Variants in SKP2 observed in about 807,000 individuals in gnomAD.
The protein encoded by SKP2 is S-phase kinase associated protein 2.
In SKP2, 16 loss-of-function variants were observed where a neutral mutation model predicts 51.8. The ratio of observed to expected loss-of-function variants is 0.31; its 90% CI spans 0.21 to 0.47. The LOEUF (loss-of-function observed/expected upper bound fraction) is 0.47, where lower values mean the gene tolerates loss of function less well. Ranked by LOEUF, SKP2 falls within the 20% of genes least tolerant of loss-of-function variation. The pLI is 1.00. For synonymous variants in SKP2, 176 were observed against 198.6 expected, an observed-to-expected ratio of 0.89 and a Z score of 0.96; for missense variants, 377 against 505.3, an observed-to-expected ratio of 0.75 and a Z score of 2.43.
intron 2 of SKP2, among the ~76,000 whole-genome samples, chr5:36,158,936 G>A (rs924562652): frequency 3.9e-5 from 6 of 152,182 alleles, no homozygotes; most frequent in African/African-American, 1.4e-4. Context: ...CAACAGTGCT[G>A]TGCACATAGT....
At position 36,166,573 on chromosome 5, in the gene SKP2, G is replaced by A. The variant is rs192207146; in HGVS notation, c.447G>A (p.Pro149=). The change falls in exon 4 of 10, where the codon CCG becomes CCA. Residue 149 remains proline (P), a synonymous_variant. Transcript: ENST00000274255. The part of the protein sequence containing the change: ...TLDLTGKNLH[P]DVTGRLLSQG... ...ACCTCACAGGTAAAAATCTGCACCC[G>A]GATGTGACTGGTCGGTTGCTGTCTC... 2.8e-5 allele frequency: 45 copies of A among 1,613,794 alleles called. No individual in the cohort carries two copies. The highest frequency in any genetic ancestry group is 5.0e-5 in the Admixed American group (3 of 60,004).
chr5:36,187,240 T>A (rs185791856), downstream of SKP2, among the ~76,000 whole-genome samples: 405 of 152,324 alleles, frequency 2.7e-3, 1 homozygote, highest in Middle Eastern at 3.4e-3. Context: ...TCTCCTTCAA[T>A]TCTGCTCTGA....
Position 36,182,871 on chromosome 5 carries a change from T to C in SKP2, c.*840T>C. 1.0e-6 allele frequency: 1 copy of C among 985,020 alleles called. No individual in the cohort carries two copies. Among genetic ancestry groups the C allele is most frequent in the South Asian group, 4.7e-5 (1 of 21,282 alleles). 61.0% of individuals were successfully genotyped at this position (985,020 alleles called of 1,614,324 possible). ...TTGCTTTGTTTTAGAAAGGTGGTATTAATCCACTCTCTATTCTTGAAAATT... is the reference window on the plus strand; with the variant it reads ...TTGCTTTGTTTTAGAAAGGTGGTATCAATCCACTCTCTATTCTTGAAAATT... On this transcript the variant is annotated 3_prime_UTR_variant, in exon 10 of 10. Coordinates refer to ENST00000274255, the MANE Select transcript of SKP2 (RefSeq NM_005983.4).
intron 7 of SKP2, among the ~76,000 whole-genome samples, chr5:36,172,847 A>G (rs949083253): frequency 6.6e-6 from 1 of 151,954 alleles, no homozygotes; most frequent in Non-Finnish European, 1.5e-5. Context: ...CAAGGTGAAC[A>G]CTTTCTTTAG....
intron 6 of SKP2, 44 bp from the exon 7 acceptor site, chr5:36,171,559 G>C: frequency 6.3e-7 from 1 of 1,590,116 alleles, no homozygotes; most frequent in Non-Finnish European, 8.6e-7. Flanking sequence ...ACTCATTCCC[G>C]TGTGATGGTT....
chr5:36,178,974 C>T (rs562925940), intron 9 of SKP2, among the ~76,000 whole-genome samples: 14 of 152,128 alleles, frequency 9.2e-5, no homozygotes, highest in South Asian at 2.1e-4. Context: ...GTTACAAACA[C>T]GGGTCTGAAG....
At chr5:36,162,426 CT>C (rs1745151526) in intron 2 of SKP2, among the ~76,000 whole-genome samples, 1 of 152,252 alleles carries the variant, frequency 6.6e-6, no homozygotes, top group African/African-American at 2.4e-5. Context: ...CATGTTCAAA[CT>C]TAATAACATC....
intron 6 of SKP2, among the ~76,000 whole-genome samples, chr5:36,190,858 TAAA>T (rs35276495): frequency 6.6e-6 from 1 of 152,160 alleles, no homozygotes; most frequent in East Asian, 1.9e-4. Context: ...TATATACCTC[TAAA>T]AGTTAGGGAT....
rs945153417 is a variant in SKP2, at chr5:36,152,157, G to A, written c.-106G>A. On this transcript the variant is annotated 5_prime_UTR_variant, in exon 1 of 10. Transcript: ENST00000274255. The stretch of plus-strand genomic sequence containing the variant: ...GGCTTAGCGGGTCTGGCTGCTGGGG[G>A]CCCGAGCAGCACGCTCGGAGCCGCC... 11 of 1,175,046 alleles carry A rather than the reference G, an allele frequency of 9.4e-6. No individual in the cohort carries two copies. The highest frequency in any genetic ancestry group is 1.7e-5 in the Admixed American group (1 of 58,662). The allele number at this position is 1,175,046 out of a possible 1,614,324, so 72.8% of individuals were successfully genotyped here.
intron 9 of SKP2, among the ~76,000 whole-genome samples, chr5:36,181,230 TACCCAACTGTATA>T (rs1253208278): frequency 2.0e-5 from 3 of 152,186 alleles, no homozygotes; most frequent in African/African-American, 7.2e-5. Flanking sequence ...TCTCTACCTG[TACCCAACTGTATA>T]ACCCTATCTA....
At chr5:36,178,613 G>A (rs1745707227) in intron 9 of SKP2, among the ~76,000 whole-genome samples, 1 of 151,938 alleles carries the variant, frequency 6.6e-6, no homozygotes, top group Admixed American at 6.6e-5. Flanking sequence ...AGAACTCCTA[G>A]GAGCTTCTAG....
intron 2 of SKP2, among the ~76,000 whole-genome samples, chr5:36,162,276 GCCT>G (rs1745145974): frequency 6.6e-6 from 1 of 152,140 alleles, no homozygotes; most frequent in African/African-American, 2.4e-5. Context: ...CTCTACACTG[GCCT>G]CCTTGCTATG....
chr5:36,191,235 A>C (rs1037675768), intron 6 of SKP2, among the ~76,000 whole-genome samples: 1 of 152,098 alleles, frequency 6.6e-6, no homozygotes, highest in Non-Finnish European at 1.5e-5. Context: ...ATCTGAAGAC[A>C]TTTTTGATGG....
In SKP2 at chr5:36,163,501, A is replaced by G. The variant is rs1477507886; in HGVS notation, c.281-144A>G. The G allele has an allele frequency of 2.1e-5, 13 of 613,786 alleles. No individual in the cohort carries two copies. In the Admixed American group the frequency reaches 3.5e-4, roughly 17 times the overall value. 38.0% of individuals were successfully genotyped at this position (613,786 alleles called of 1,614,324 possible). On this transcript the variant is annotated intron_variant, in intron 2 of 9. Coordinates refer to ENST00000274255, the MANE Select transcript of SKP2 (RefSeq NM_005983.4). ...AACAGAAATGATTTTTCAAACAAAA[A>G]TAATTGTGAGGATGAGTAATTTAAT...
chr5:36,175,522 T>C (rs1346343135), intron 7 of SKP2, among the ~76,000 whole-genome samples: 1 of 152,098 alleles, frequency 6.6e-6, no homozygotes, highest in East Asian at 1.9e-4. Context: ...GCCAAGTAGC[T>C]TACATGACTT....
intron 2 of SKP2, among the ~76,000 whole-genome samples, chr5:36,162,551 G>A (rs774207625): frequency 9.2e-5 from 14 of 152,072 alleles, no homozygotes; most frequent in Admixed American, 7.2e-4. Flanking sequence ...TATCTGTTCC[G>A]CATTACTGGA....
intron 2 of SKP2, among the ~76,000 whole-genome samples, chr5:36,161,642 C>T (rs2111963759): frequency 6.6e-6 from 1 of 152,272 alleles, no homozygotes; most frequent in Non-Finnish European, 1.5e-5. Context: ...AGCCTAAATA[C>T]CTGGGGTGTA....
At chr5:36,154,389 G>A (rs1744872087) in intron 2 of SKP2, among the ~76,000 whole-genome samples, 1 of 152,166 alleles carries the variant, frequency 6.6e-6, no homozygotes, top group African/African-American at 2.4e-5. Flanking sequence ...AGAGTGGAAT[G>A]AGCGAAAGGG....
At chr5:36,159,090 G>A (rs1030487827) in intron 2 of SKP2, among the ~76,000 whole-genome samples, 6 of 152,220 alleles carry the variant, frequency 3.9e-5, no homozygotes, top group Admixed American at 3.9e-4. Context: ...TAATGGATGT[G>A]CAAATCTGGG....
Sources: allele counts gnomAD v4.1 joint callset (sites outside exome capture counted in the v4.1 genomes callset), GRCh38; gene constraint gnomAD v4.1.1; transcripts MANE v1.5; gene names NCBI Gene and HGNC (gene_info 2026-07-23, HGNC 2026-07-21).